Variants in HIVEP3 observed in about 807,000 individuals in gnomAD.
HIVEP3 encodes the protein transcription factor HIVEP3.
A neutral mutation model predicts 152.8 loss-of-function variants in HIVEP3; 49 were observed. The ratio of observed to expected loss-of-function variants is 0.32; its 90% CI spans 0.26 to 0.41. The LOEUF (loss-of-function observed/expected upper bound fraction) is 0.41, where lower values mean the gene tolerates loss of function less well. HIVEP3 is among the 10% of genes least tolerant of loss of function. HIVEP3 has a pLI of 1.00. For synonymous variants in HIVEP3, 1,269 were observed against 1,289.0 expected (o/e 0.98, Z 0.33); for missense variants, 2,790 against 3,103.3 (o/e 0.90, Z 2.40).
At chr1:41,993,248 C>T (rs1406597501) in intron 1 of HIVEP3, among the ~76,000 whole-genome samples, 3 of 151,858 alleles carry the variant, frequency 2.0e-5, no homozygotes, top group Admixed American at 1.3e-4. Context: ...GCAACCGACT[C>T]ATCTGACAAA....
intron 1 of HIVEP3, among the ~76,000 whole-genome samples, chr1:41,992,534 GGGTA>G (rs1399833094): frequency 6.7e-6 from 1 of 148,292 alleles, no homozygotes; most frequent in African/African-American, 2.5e-5. Context: ...CCATGCTCAT[GGGTA>G]GGAAGAATCA....
intron 3 of HIVEP3, among the ~76,000 whole-genome samples, chr1:41,589,186 GC>G (rs1336242487): frequency 6.6e-6 from 1 of 152,154 alleles, no homozygotes; most frequent in Non-Finnish European, 1.5e-5. Context: ...AGAGAAATGG[GC>G]CCAGGAGCTG....
chr1:42,029,919 C>A (rs1160022154), intron 1 of HIVEP3, among the ~76,000 whole-genome samples: 1 of 152,230 alleles, frequency 6.6e-6, no homozygotes, highest in East Asian at 1.9e-4. Context: ...AGCCCTGTTT[C>A]CAAAGTGTCA....
At chr1:42,035,626 C>G (rs750692279) in intron 1 of HIVEP3, among the ~76,000 whole-genome samples, 4 of 152,004 alleles carry the variant, frequency 2.6e-5, no homozygotes, top group Admixed American at 1.3e-4. Flanking sequence ...GGGACCCCAG[C>G]TGAGGGGGCC....
chr1:41,876,158 G>A (rs1217487424), intron 1 of HIVEP3, among the ~76,000 whole-genome samples: 2 of 151,752 alleles, frequency 1.3e-5, no homozygotes, highest in Non-Finnish European at 2.9e-5. Flanking sequence ...TAAGAATAAG[G>A]GGTATTCATC....
intron 1 of HIVEP3, among the ~76,000 whole-genome samples, chr1:41,711,673 C>T (rs1646515184): frequency 6.6e-6 from 1 of 152,196 alleles, no homozygotes; most frequent in African/African-American, 2.4e-5. Context: ...CCTTTTATGC[C>T]TTCTCCTCGT....
intron 1 of HIVEP3, among the ~76,000 whole-genome samples, chr1:41,768,899 C>T (rs977960634): frequency 1.3e-5 from 2 of 152,230 alleles, no homozygotes; most frequent in African/African-American, 2.4e-5. Context: ...CAGGGCTGTT[C>T]CTCAGGACCT....
intron 3 of HIVEP3, among the ~76,000 whole-genome samples, chr1:41,587,845 C>T (rs1375932512): frequency 1.3e-5 from 2 of 152,220 alleles, no homozygotes; most frequent in Non-Finnish European, 2.9e-5. Context: ...TCTGTGGCTT[C>T]TGTGGCATGA....
chr1:41,790,566 G>A (rs368012151), intron 1 of HIVEP3, among the ~76,000 whole-genome samples: 2 of 152,110 alleles, frequency 1.3e-5, no homozygotes, highest in African/African-American at 4.8e-5. Flanking sequence ...GATAAGAGGT[G>A]GTAAATCTAG....
At chr1:41,788,934 A>G (rs1025195243) in intron 1 of HIVEP3, among the ~76,000 whole-genome samples, 1 of 152,094 alleles carries the variant, frequency 6.6e-6, no homozygotes, top group Admixed American at 6.5e-5. Flanking sequence ...TATCCTTTCT[A>G]TCTGTGGTTC....
chr1:41,991,074 A>C (rs1436563873), intron 1 of HIVEP3, among the ~76,000 whole-genome samples: 5 of 148,082 alleles, frequency 3.4e-5, no homozygotes, highest in African/African-American at 1.2e-4. Context: ...TGACACCCTA[A>C]CATCACAATT....
chr1:41,544,552 G>A (rs905633390), intron 5 of HIVEP3, among the ~76,000 whole-genome samples: 5 of 150,456 alleles, frequency 3.3e-5, no homozygotes, highest in Non-Finnish European at 5.9e-5. Flanking sequence ...CCTCACCATA[G>A]GCCCCAGTGA....
chr1:41,932,657 T>C (rs1366719348), intron 1 of HIVEP3, among the ~76,000 whole-genome samples: 2 of 151,892 alleles, frequency 1.3e-5, no homozygotes, highest in Non-Finnish European at 2.9e-5. Context: ...AATTGCTTTT[T>C]TGTTTCAAAT....
chr1:41,981,645 G>T (rs1194456936), intron 1 of HIVEP3, among the ~76,000 whole-genome samples: 2 of 152,214 alleles, frequency 1.3e-5, no homozygotes, highest in African/African-American at 4.8e-5. Flanking sequence ...GGTGAGGACT[G>T]ATGAGAGAAT....
In HIVEP3 at chr1:42,011,983, G is replaced by A. The variant is rs372492703; in HGVS notation, n.119+23824C>T. 1.6e-4 allele frequency among the ~76,000 whole-genome samples: 24 copies of A among 152,272 alleles called. No individual in the cohort carries two copies. The East Asian group carries it at 2.7e-3, about 17-fold the overall frequency. On this transcript the variant is annotated intron_variant and non_coding_transcript_variant, in intron 1 of 3. Transcript: ENST00000489103. ...TCCTGGGAAACAACAAGAATGGGAA[G>A]TGACATAGGGATGTCCCTGCTCCTC... is the stretch of plus-strand genomic sequence containing the variant.
intron 1 of HIVEP3, among the ~76,000 whole-genome samples, chr1:41,898,320 C>A (rs1441529781): frequency 6.6e-6 from 1 of 152,202 alleles, no homozygotes; most frequent in Admixed American, 6.5e-5. Context: ...TGCTTCCTGG[C>A]AGTCTCCCTG....
chr1:41,767,379 A>G (rs1225578267), intron 1 of HIVEP3, among the ~76,000 whole-genome samples: 1 of 152,156 alleles, frequency 6.6e-6, no homozygotes, highest in African/African-American at 2.4e-5. Flanking sequence ...ATTTTCCACA[A>G]TGGGATCACA....
chr1:41,979,121 T>G (rs774164251), intron 1 of HIVEP3, among the ~76,000 whole-genome samples: 1 of 152,084 alleles, frequency 6.6e-6, no homozygotes, highest in Non-Finnish European at 1.5e-5. Context: ...ACACAAATTC[T>G]CAGGCCCCAC....
chr1:41,836,922 C>T (rs1383138514), intron 1 of HIVEP3, among the ~76,000 whole-genome samples: 1 of 152,136 alleles, frequency 6.6e-6, no homozygotes, highest in Non-Finnish European at 1.5e-5. Context: ...GGTCTTTTTT[C>T]CACTGTTGCT....
Sources: allele counts gnomAD v4.1 joint callset (sites outside exome capture counted in the v4.1 genomes callset), GRCh38; gene constraint gnomAD v4.1.1; transcripts MANE v1.5; gene names NCBI Gene and HGNC (gene_info 2026-07-23, HGNC 2026-07-21).